PLD5: variants seen among roughly 807,000 people sequenced by gnomAD.
PLD5 encodes inactive phospholipase D5.
PLD5 carries 36 observed loss-of-function variants against 61.1 expected under a neutral mutation model. That is an observed-to-expected ratio of 0.59 (90% CI 0.45 to 0.78). The LOEUF (loss-of-function observed/expected upper bound fraction) is 0.78. PLD5 is among the 30% of genes least tolerant of loss of function. The probability of loss-of-function intolerance (pLI) is 0.00; values close to 1 mark genes in which losing one functional copy is unlikely to be tolerated. For missense variants in PLD5, 515 were observed against 644.4 expected (o/e 0.80, Z 2.17); for synonymous variants, 243 against 242.8 (o/e 1.00, Z -0.01).
intron 2 of PLD5, among the ~76,000 whole-genome samples, chr1:242,334,901 A>G (rs1169997433): frequency 6.6e-6 from 1 of 152,114 alleles, no homozygotes; most frequent in East Asian, 1.9e-4. Context: ...ATTTTTCCAC[A>G]ATTTACTTCC....
intron 5 of PLD5, among the ~76,000 whole-genome samples, chr1:242,215,170 G>A (rs1025879197): frequency 1.1e-4 from 17 of 150,314 alleles, no homozygotes; most frequent in African/African-American, 3.4e-4. Flanking sequence ...TTACAGGTGT[G>A]AGCCACCGTG....
At chr1:242,230,887 T>C (rs779429776) in intron 4 of PLD5, among the ~76,000 whole-genome samples, 13 of 152,224 alleles carry the variant, frequency 8.5e-5, no homozygotes, top group Non-Finnish European at 1.8e-4. Flanking sequence ...CCCTGTCATA[T>C]ATTTGTCTTA....
chr1:242,120,652 T>G (rs564346181), intron 6 of PLD5, among the ~76,000 whole-genome samples: 1 of 152,296 alleles, frequency 6.6e-6, no homozygotes, highest in Non-Finnish European at 1.5e-5. Context: ...ACAGGTGACT[T>G]AACTGAACAA....
At chr1:242,493,807 T>TGC (rs1668255534) in intron 1 of PLD5, among the ~76,000 whole-genome samples, 1 of 152,162 alleles carries the variant, frequency 6.6e-6, no homozygotes, top group African/African-American at 2.4e-5. Flanking sequence ...CCACAAGCAG[T>TGC]GCTCCAGCAG....
At chr1:242,413,823 A>C (rs1664683230) in intron 1 of PLD5, among the ~76,000 whole-genome samples, 1 of 152,208 alleles carries the variant, frequency 6.6e-6, no homozygotes. Flanking sequence ...TTGGATGACC[A>C]ATAAGTGGTA....
At chr1:242,439,084 C>T (rs1666151253) in intron 1 of PLD5, among the ~76,000 whole-genome samples, 1 of 152,068 alleles carries the variant, frequency 6.6e-6, no homozygotes, top group Non-Finnish European at 1.5e-5. Context: ...CCACTGTATC[C>T]CCACCACCTG....
intron 1 of PLD5, among the ~76,000 whole-genome samples, chr1:242,397,665 C>T (rs1663672129): frequency 6.6e-6 from 1 of 152,114 alleles, no homozygotes; most frequent in African/African-American, 2.4e-5. Context: ...CAGCAATGTA[C>T]TCCCTCACTC....
intron 1 of PLD5, among the ~76,000 whole-genome samples, chr1:242,416,350 T>C (rs971991232): frequency 2.0e-5 from 3 of 152,146 alleles, no homozygotes; most frequent in African/African-American, 7.2e-5. Context: ...AAATTTTCTA[T>C]GTCAAATGTT....
intron 4 of PLD5, among the ~76,000 whole-genome samples, chr1:242,246,306 C>G (rs1672351969): frequency 6.6e-6 from 1 of 152,076 alleles, no homozygotes; most frequent in African/African-American, 2.4e-5. Flanking sequence ...TTCACGGCTG[C>G]AGTGGGCTAG....
chr1:242,280,286 CTGTAGTA>C (rs1674648786), intron 3 of PLD5, among the ~76,000 whole-genome samples: 2 of 152,172 alleles, frequency 1.3e-5, no homozygotes, highest in African/African-American at 4.8e-5. Flanking sequence ...GATCTTTCCC[CTGTAGTA>C]CATGGATCTG....
At chr1:242,441,512 A>G (rs1666274301) in intron 1 of PLD5, among the ~76,000 whole-genome samples, 1 of 152,176 alleles carries the variant, frequency 6.6e-6, no homozygotes, top group Non-Finnish European at 1.5e-5. Context: ...TTGGCTTACT[A>G]AGCTTATCTT....
In PLD5 at chr1:242,477,257, G is replaced by GA. The variant is rs200674150; in HGVS notation, c.189+46830dup. Among the ~76,000 whole-genome samples, 1,186 of 148,004 alleles carry GA rather than the reference G, an allele frequency of 8.0e-3. 10 individuals are homozygous for GA. The highest frequency in any genetic ancestry group is 0.024 in the African/African-American group (982 of 40,368). ...AAGAGCGAGACTCTAACTCAAAAAAGAAAAAAAAAATAGTAAGGGCCAAAG... is the reference window on the plus strand; with the variant it reads ...AAGAGCGAGACTCTAACTCAAAAAAGAAAAAAAAAAATAGTAAGGGCCAAAG... On this transcript the variant is annotated intron_variant, in intron 1 of 9. Transcript: ENST00000536534.
At chr1:242,517,896 T>A (rs932012339) in intron 1 of PLD5, among the ~76,000 whole-genome samples, 20 of 152,214 alleles carry the variant, frequency 1.3e-4, no homozygotes, top group African/African-American at 7.2e-5. Context: ...AATTGGTATT[T>A]TTTTTTTATG....
intron 5 of PLD5, among the ~76,000 whole-genome samples, chr1:242,198,800 T>C (rs985392790): frequency 3.3e-5 from 5 of 151,744 alleles, no homozygotes; most frequent in African/African-American, 1.2e-4. Context: ...AGTGGCGCAG[T>C]CTCAGCTCAC....
rs1165142545 is a variant in PLD5 at position 242,256,284 on chromosome 1, A to G, written c.607+9053T>C. Among the ~76,000 whole-genome samples, 1 of 152,374 alleles carries G rather than the reference A, an allele frequency of 6.6e-6. No homozygotes were observed. Among genetic ancestry groups the G allele is most frequent in the South Asian group, 2.1e-4 (1 of 4,830 alleles). ...TTATAAACAAAAAGTAACAGAAAGG[A>G]AACAATATGGATAAAAAGATAGGGA... On this transcript the variant is annotated intron_variant, in intron 4 of 9. Transcript: ENST00000536534. The surrounding 1 kb of genome is among the most constrained non-coding windows in gnomAD (Gnocchi z 5.7).
chr1:242,227,957 A>C (rs969931253), intron 4 of PLD5, among the ~76,000 whole-genome samples: 5 of 152,182 alleles, frequency 3.3e-5, no homozygotes, highest in African/African-American at 9.6e-5. Flanking sequence ...AGAATTATTT[A>C]TTATCACTTC....
In PLD5 at chr1:242,316,388, C is replaced by G. The variant is rs574011647; in HGVS notation, c.327-27858G>C. ...GCACATTCTCTCCTGGCAGAGGGCC[C>G]TCCACTATTGCAGGCACCTTCATGG... On this transcript the variant is annotated intron_variant, in intron 2 of 9. Transcript: ENST00000536534. 2.6e-3 allele frequency among the ~76,000 whole-genome samples: 402 copies of G among 152,244 alleles called. 1 individual carries two copies. Among genetic ancestry groups the G allele is most frequent in the African/African-American group, 9.1e-3 (378 of 41,540 alleles).
chr1:242,312,017 A>C (rs1325947569), intron 2 of PLD5, among the ~76,000 whole-genome samples: 1 of 151,878 alleles, frequency 6.6e-6, no homozygotes, highest in Non-Finnish European at 1.5e-5. Context: ...TGAATTTTTG[A>C]AATCACTTAT....
At chr1:242,273,268 A>G (rs1424276880) in intron 3 of PLD5, among the ~76,000 whole-genome samples, 1 of 151,608 alleles carries the variant, frequency 6.6e-6, no homozygotes, top group Non-Finnish European at 1.5e-5. Context: ...ATTCTTTTTT[A>G]TGGCTGCATA....
Sources: gnomAD v4.1 joint callset for allele counts (sites outside exome capture counted in the v4.1 genomes callset) on GRCh38, gnomAD v4.1.1 for gene constraint, Gnocchi (gnomAD v3.1) non-coding constraint, MANE v1.5 for transcripts, NCBI Gene and HGNC (gene_info 2026-07-23, HGNC 2026-07-21) for gene names.